The following GRM5 variants were observed in gnomAD, a reference collection of about 807,000 sequenced individuals.
The protein encoded by GRM5 is glutamate metabotropic receptor 5, also known as metabotropic glutamate receptor 5.
A neutral mutation model predicts 83.1 loss-of-function variants in GRM5; 19 were observed. The observed-to-expected ratio is 0.23, with a 90% CI of 0.16 to 0.34. GRM5 has a LOEUF of 0.34. GRM5 is among the 10% of genes least tolerant of loss of function. The pLI is 1.00. For synonymous variants in GRM5, 675 were observed against 633.6 expected, an observed-to-expected ratio of 1.07 and a Z score of -0.98; for missense variants, 1,160 against 1,588.3, an observed-to-expected ratio of 0.73 and a Z score of 4.58.
chr11:88,890,675 G>T (rs1313464141), intron 2 of GRM5, among the ~76,000 whole-genome samples: 1 of 152,092 alleles, frequency 6.6e-6, no homozygotes, highest in Admixed American at 6.6e-5. Flanking sequence ...TTCAAAGGTT[G>T]TATACTGCCT....
In GRM5 at chr11:88,590,521, G is replaced by A. The variant is rs12284493; in HGVS notation, c.1690+80C>T. 11,685 of 1,112,784 alleles carry A rather than the reference G, an allele frequency of 0.011. 853 individuals carry two copies. In the African/African-American group the frequency reaches 0.16, roughly 15 times the overall value. 68.9% of individuals were successfully genotyped at this position (1,112,784 alleles called of 1,614,324 possible). On this transcript the variant is annotated intron_variant, in intron 7 of 9. Coordinates refer to ENST00000305447, the MANE Select transcript of GRM5 (RefSeq NM_001143831.3). ...AATAAGACTACCCAAGATGAGTAAC[G>A]CTTGGGGATGTGACCCCCCTCTCCC... is the stretch of plus-strand genomic sequence containing the variant.
intron 5 of GRM5, among the ~76,000 whole-genome samples, chr11:88,598,152 T>G (rs1565354243): frequency 1.3e-5 from 2 of 152,258 alleles, no homozygotes; most frequent in Admixed American, 6.5e-5. Context: ...AGGTACACAC[T>G]GTGTTCACAT....
chr11:88,715,877 A>C (rs1941389140), intron 3 of GRM5, among the ~76,000 whole-genome samples: 3 of 151,986 alleles, frequency 2.0e-5, no homozygotes, highest in African/African-American at 7.2e-5. Context: ...GTTTGCTGAA[A>C]GAACCGAATT....
At chr11:88,551,025 A>G (rs1011406805) in intron 8 of GRM5, among the ~76,000 whole-genome samples, 1 of 151,682 alleles carries the variant, frequency 6.6e-6, no homozygotes, top group Non-Finnish European at 1.5e-5. Context: ...GGTTGTTTTA[A>G]TGGTTCAGTG....
intron 2 of GRM5, among the ~76,000 whole-genome samples, chr11:89,007,467 T>G (rs1290249454): frequency 6.6e-6 from 1 of 152,204 alleles, no homozygotes; most frequent in Non-Finnish European, 1.5e-5. Context: ...AAGAGTGATT[T>G]TCATTACTGC....
In GRM5 at chr11:89,032,367, C is replaced by T. The variant is rs182670882; in HGVS notation, c.661+14845G>A. 7.8e-4 allele frequency among the ~76,000 whole-genome samples: 119 copies of T among 151,996 alleles called. 1 individual carries two copies. The highest frequency in any genetic ancestry group is 4.4e-5 in the Non-Finnish European group (3 of 67,934). On this transcript the variant is annotated intron_variant, in intron 2 of 9. Coordinates refer to ENST00000305447, the MANE Select transcript of GRM5 (RefSeq NM_001143831.3). Reference sequence around the variant, plus strand: ...CATACATATTTCAATTATAATAGAACATACATTTGTTGTGAGAATGAGTGC... The same window carrying T: ...CATACATATTTCAATTATAATAGAATATACATTTGTTGTGAGAATGAGTGC...
rs1348785193 is a variant in GRM5 at position 88,941,922 on chromosome 11, C to T, written c.662-91767G>A. Among the ~76,000 whole-genome samples, 4 of 151,976 alleles carry T rather than the reference C, an allele frequency of 2.6e-5. No individual in the cohort carries two copies. In the East Asian group the frequency reaches 7.8e-4, roughly 30 times the overall value. On this transcript the variant is annotated intron_variant, in intron 2 of 9. Transcript: ENST00000305447. ...TAAGATATTCTGCAGGACAACGGAC[C>T]AGGACTTTTCAAATAATTCAATGTT...
At chr11:88,933,855 C>T (rs1937800855) in intron 2 of GRM5, among the ~76,000 whole-genome samples, 1 of 151,774 alleles carries the variant, frequency 6.6e-6, no homozygotes, top group Non-Finnish European at 1.5e-5. Flanking sequence ...TTACTCCTTT[C>T]TTCAGTAAAG....
At chr11:89,055,997 T>C (rs1259512252) in intron 1 of GRM5, among the ~76,000 whole-genome samples, 2 of 152,156 alleles carry the variant, frequency 1.3e-5, no homozygotes, top group Non-Finnish European at 2.9e-5. Flanking sequence ...AAGAGTCACA[T>C]TTAGAACATT....
At chr11:88,579,784 G>A (rs568580110) in intron 7 of GRM5, among the ~76,000 whole-genome samples, 3 of 152,276 alleles carry the variant, frequency 2.0e-5, no homozygotes, top group Middle Eastern at 3.4e-3. Context: ...TGAATGAAAT[G>A]GGAAATCATT....
intron 8 of GRM5, among the ~76,000 whole-genome samples, chr11:88,536,208 T>C (rs1413824813): frequency 1.3e-5 from 2 of 152,034 alleles, no homozygotes; most frequent in Non-Finnish European, 1.5e-5. Context: ...AGAATTGGCA[T>C]GGGCTTATAC....
chr11:88,850,241 C>G, intron 2 of GRM5, 86 bp from the exon 3 acceptor site: 3 of 736,232 alleles, frequency 4.1e-6, no homozygotes, highest in South Asian at 1.7e-5. Flanking sequence ...GTGTTAGGAG[C>G]ATGAAAGTCA....
intron 3 of GRM5, among the ~76,000 whole-genome samples, chr11:88,660,645 A>G (rs544847818): frequency 3.3e-5 from 5 of 152,338 alleles, no homozygotes; most frequent in African/African-American, 1.2e-4. Flanking sequence ...TGCTAGGGCC[A>G]CACAGTTATT....
At chr11:88,683,952 G>A (rs1484793722) in intron 3 of GRM5, among the ~76,000 whole-genome samples, 1 of 152,192 alleles carries the variant, frequency 6.6e-6, no homozygotes, top group African/African-American at 2.4e-5. Context: ...TAATAATGCT[G>A]GAGGGGATTG....
chr11:88,953,942 C>T (rs2135682649), intron 2 of GRM5, among the ~76,000 whole-genome samples: 1 of 152,256 alleles, frequency 6.6e-6, no homozygotes, highest in East Asian at 1.9e-4. Flanking sequence ...GGAGAATAAG[C>T]TTCTGTAAAC....
chr11:88,680,451 A>G (rs1410666566), intron 3 of GRM5, among the ~76,000 whole-genome samples: 1 of 152,170 alleles, frequency 6.6e-6, no homozygotes, highest in Admixed American at 6.5e-5. Flanking sequence ...TCCATGGTGT[A>G]TATGCGCCAC....
At chr11:88,741,386 A>G (rs1942025423) in intron 3 of GRM5, among the ~76,000 whole-genome samples, 2 of 152,096 alleles carry the variant, frequency 1.3e-5, no homozygotes, top group Admixed American at 6.6e-5. Context: ...TTAGGCCTAC[A>G]GTGATTAGAC....
intron 2 of GRM5, among the ~76,000 whole-genome samples, chr11:88,953,405 T>C (rs544760463): frequency 1.3e-5 from 2 of 152,330 alleles, no homozygotes; most frequent in South Asian, 4.1e-4. Flanking sequence ...TTTCTTTAAA[T>C]TTCAACAGCC....
At chr11:88,742,360 T>C (rs1163411265) in intron 3 of GRM5, among the ~76,000 whole-genome samples, 3 of 152,086 alleles carry the variant, frequency 2.0e-5, no homozygotes, top group African/African-American at 7.2e-5. Flanking sequence ...TAAGCAGGAA[T>C]AATATTATCA....
Sources: gnomAD v4.1 joint callset for allele counts (sites outside exome capture counted in the v4.1 genomes callset) on GRCh38, gnomAD v4.1.1 for gene constraint, MANE v1.5 for transcripts, NCBI Gene and HGNC (gene_info 2026-07-23, HGNC 2026-07-21) for gene names.